CEP44: variants seen among roughly 807,000 people sequenced by gnomAD.
CEP44 encodes centrosomal protein 44.
Under a neutral mutation model 46.7 loss-of-function variants are expected in CEP44, and 45 were observed. The observed-to-expected ratio is 0.96, with a 90% CI of 0.76 to 1.24. The LOEUF (loss-of-function observed/expected upper bound fraction) is 1.24, where lower values mean the gene tolerates loss of function less well. Among genes scored for constraint, CEP44 ranks in the 50% most tolerant of loss-of-function variants. The pLI is 0.00. For missense variants in CEP44, 475 were observed against 459.7 expected (o/e 1.03, Z -0.30); for synonymous variants, 142 against 146.0 (o/e 0.97, Z 0.20).
downstream of CEP44, among the ~76,000 whole-genome samples, chr4:174,321,522 C>T (rs1034658172): frequency 6.6e-6 from 1 of 152,120 alleles, no homozygotes; most frequent in African/African-American, 2.4e-5. Flanking sequence ...TAAGCATGCA[C>T]AATTCATACC....
chr4:174,317,218 T>C (rs984977903), intron 11 of CEP44, 117 bp from the exon 12 acceptor site: 4 of 412,106 alleles, frequency 9.7e-6, no homozygotes, highest in Admixed American at 4.5e-5. Flanking sequence ...ACTGTACTTA[T>C]AGATAAGAAA....
intron 1 of CEP44, among the ~76,000 whole-genome samples, chr4:174,292,921 T>C (rs764990951): frequency 4.0e-4 from 61 of 152,348 alleles, no homozygotes; most frequent in Admixed American, 7.8e-4. Flanking sequence ...TGGTTTCCTT[T>C]GGCATGTTGT....
At position 174,290,315 on chromosome 4, in the gene CEP44, T is replaced by C. The variant is rs2126503830; in HGVS notation, c.-148+6372T>C. Among the ~76,000 whole-genome samples the C allele has an allele frequency of 6.6e-6, 1 of 152,160 alleles. No homozygotes were observed. Among genetic ancestry groups the C allele is most frequent in the South Asian group, 2.1e-4 (1 of 4,812 alleles). On this transcript the variant is annotated intron_variant, in intron 1 of 11. Transcript: ENST00000503780. This position sits in a 1 kb window ranked among gnomAD's most constrained non-coding sequence, Gnocchi z 4.3. The stretch of plus-strand genomic sequence containing the variant: ...TCTTTGACCCAGTATTATTTAATAG[T>C]ATGTTATTTAATTCCCCTGTATTTG...
chr4:174,303,995 C>A, intron 5 of CEP44, 146 bp downstream of exon 5: 1 of 723,982 alleles, frequency 1.4e-6, no homozygotes, highest in Non-Finnish European at 2.1e-6. Context: ...CCTTATAAAG[C>A]TTGTTGTTTA....
intron 9 of CEP44, among the ~76,000 whole-genome samples, chr4:174,313,382 A>G (rs1579142294): frequency 9.5e-6 from 1 of 105,280 alleles, no homozygotes; most frequent in African/African-American, 4.1e-5. Flanking sequence ...CCCTCAGAGG[A>G]AAAAAAAAAA....
At chr4:174,316,019 C>T (rs17358182) in intron 9 of CEP44, 147 bp from the exon 10 acceptor site, 9,519 of 901,450 alleles carry the variant, frequency 0.011, 84 homozygotes, top group Non-Finnish European at 0.014. Flanking sequence ...AAGCTGTTAC[C>T]TTAAGAGTAC....
Position 174,317,599 on chromosome 4 carries a change from T to G in CEP44, c.*216T>G. ...TTACCTTGTGTCACTTTTTTTTTTT[T>G]TAGGAAAAACTCATGTTCCAGTATA... On this transcript the variant is annotated 3_prime_UTR_variant, in exon 12 of 12. Transcript: ENST00000503780. 1 of 1,103,828 alleles carries G rather than the reference T, an allele frequency of 9.1e-7. No homozygotes were observed. Among genetic ancestry groups the G allele is most frequent in the Non-Finnish European group, 1.1e-6 (1 of 901,626 alleles). The allele number at this position is 1,103,828 out of a possible 1,614,324, so 68.4% of individuals were successfully genotyped here. A position where few individuals can be genotyped will look rare whatever the true frequency, so the allele number is the denominator to read the frequency against.
At chr4:174,303,445 CTA>C (rs1739993085) in intron 4 of CEP44, among the ~76,000 whole-genome samples, 1 of 152,092 alleles carries the variant, frequency 6.6e-6, no homozygotes, top group South Asian at 2.1e-4. Flanking sequence ...TGATGATTGA[CTA>C]TATTTTTCCA....
chr4:174,317,303 A>T (rs1741845536), intron 11 of CEP44, 32 bp from the exon 12 acceptor site: 2 of 873,314 alleles, frequency 2.3e-6, no homozygotes, highest in East Asian at 6.2e-5. Context: ...TGAATTATTG[A>T]TTTACTTAAT....
At chr4:174,307,517 C>T (rs565902042) in intron 6 of CEP44, among the ~76,000 whole-genome samples, 14 of 152,144 alleles carry the variant, frequency 9.2e-5, no homozygotes, top group African/African-American at 2.9e-4. Context: ...CCCTGGAAGA[C>T]AACCTAGGCA....
intron 1 of CEP44, among the ~76,000 whole-genome samples, chr4:174,295,937 C>T (rs898945832): frequency 2.0e-5 from 3 of 152,228 alleles, no homozygotes; most frequent in East Asian, 3.9e-4. Flanking sequence ...GCTTTTTCTA[C>T]GTCCGTTGAT....
intron 3 of CEP44, among the ~76,000 whole-genome samples, chr4:174,300,883 A>G (rs991591894): frequency 6.6e-6 from 1 of 152,148 alleles, no homozygotes; most frequent in Non-Finnish European, 1.5e-5. Flanking sequence ...AAAAAGTGTT[A>G]AATGTGTGCC....
At chr4:174,322,705 G>C (rs754671923), downstream of CEP44, among the ~76,000 whole-genome samples, 10 of 151,994 alleles carry the variant, frequency 6.6e-5, no homozygotes, top group Non-Finnish European at 1.2e-4. Flanking sequence ...AAACAATTAA[G>C]ATGTCCTCCC....
rs7667764 is a variant in CEP44 at position 174,301,149 on chromosome 4, A to G, written c.90-890A>G. ...ACTAAAAATTTGGGTGGAGATGGGG[A>G]TGTTTATGTGAACATCTTGAATTTT... is the stretch of plus-strand genomic sequence containing the variant. On this transcript the variant is annotated intron_variant, in intron 3 of 11. Transcript: ENST00000503780. This position sits in a 1 kb window ranked among gnomAD's most constrained non-coding sequence, Gnocchi z 4.3. Among the ~76,000 whole-genome samples, 703 of 152,266 alleles carry G rather than the reference A, an allele frequency of 4.6e-3. 6 individuals are homozygous for G. Among genetic ancestry groups the G allele is most frequent in the African/African-American group, 0.016 (663 of 41,562 alleles).
At chr4:174,324,464 C>T (rs1258898500), downstream of CEP44, among the ~76,000 whole-genome samples, 3 of 152,092 alleles carry the variant, frequency 2.0e-5, no homozygotes, top group African/African-American at 7.2e-5. Flanking sequence ...GAAAAACTGC[C>T]AAACTCTTTT....
At chr4:174,324,634 T>C (rs1304685294), downstream of CEP44, among the ~76,000 whole-genome samples, 6 of 152,230 alleles carry the variant, frequency 3.9e-5, no homozygotes, top group South Asian at 4.1e-4. Context: ...TGACATCTGG[T>C]AAACTGAGAA....
intron 1 of CEP44, among the ~76,000 whole-genome samples, chr4:174,289,596 T>C (rs914759624): frequency 4.6e-5 from 7 of 152,090 alleles, no homozygotes; most frequent in African/African-American, 1.7e-4. Flanking sequence ...TTGTGTCCTC[T>C]TTCATTTCTG....
rs1737793671 is a variant in CEP44 at position 174,288,389 on chromosome 4, CCTAA to C, written c.-148+4449_-148+4452del. Among the ~76,000 whole-genome samples the C allele has an allele frequency of 6.6e-6, 1 of 152,102 alleles. No homozygotes were observed. The highest frequency in any genetic ancestry group is 6.6e-5 in the Admixed American group (1 of 15,266). On this transcript the variant is annotated intron_variant, in intron 1 of 11. Coordinates refer to ENST00000503780, the MANE Select transcript of CEP44 (RefSeq NM_001040157.3). The surrounding 1 kb of genome is among the most constrained non-coding windows in gnomAD (Gnocchi z 4.6). ...GTACCTGCAGATCTTATTTATTTTG[CCTAA>C]CTGAAACTTTGTACCCTTTGAACAA...
chr4:174,317,308 C>T (rs748572077), intron 11 of CEP44, 27 bp from the exon 12 acceptor site: 13 of 913,006 alleles, frequency 1.4e-5, no homozygotes, highest in South Asian at 2.6e-5. Flanking sequence ...TATTGATTTA[C>T]TTAATATATT....
Sources: gnomAD v4.1 joint callset for allele counts (sites outside exome capture counted in the v4.1 genomes callset) on GRCh38, gnomAD v4.1.1 for gene constraint, Gnocchi (gnomAD v3.1) non-coding constraint, MANE v1.5 for transcripts, NCBI Gene and HGNC (gene_info 2026-07-23, HGNC 2026-07-21) for gene names.